Variants in EARS2 observed in about 807,000 individuals in gnomAD.
The protein encoded by EARS2 is glutamyl-tRNA synthetase 2, mitochondrial.
Under a neutral mutation model 54.1 loss-of-function variants are expected in EARS2, and 50 were observed. That is an observed-to-expected ratio of 0.92 (90% CI 0.74 to 1.17). EARS2 has a LOEUF of 1.17. EARS2 is among the 50% of genes most tolerant of loss of function. The pLI, the probability that EARS2 is intolerant of heterozygous loss-of-function variation, is 0.00. For synonymous variants in EARS2, 298 were observed against 281.0 expected (o/e 1.06, Z -0.61); for missense variants, 673 against 675.0 (o/e 1.00, Z 0.03).
At chr16:23,534,244 A>G (rs974016612) in intron 4 of EARS2, among the ~76,000 whole-genome samples, 1 of 152,104 alleles carries the variant, frequency 6.6e-6, no homozygotes, top group Non-Finnish European at 1.5e-5. Context: ...AACAGTGGAG[A>G]TATGTATCTA....
chr16:23,540,131 G>A (rs935835057), intron 3 of EARS2, among the ~76,000 whole-genome samples: 1 of 152,124 alleles, frequency 6.6e-6, no homozygotes, highest in Non-Finnish European at 1.5e-5. Context: ...TCCAATCTGG[G>A]TGACAGAGTG....
At chr16:23,539,709 T>C (rs1208783409) in intron 3 of EARS2, among the ~76,000 whole-genome samples, 1 of 42,742 alleles carries the variant, frequency 2.3e-5, no homozygotes, top group Non-Finnish European at 4.9e-5. Flanking sequence ...GACTATAATT[T>C]AACAAAAAAA....
intron 2 of EARS2, among the ~76,000 whole-genome samples, chr16:23,547,599 G>A (rs1965625325): frequency 6.6e-6 from 1 of 151,970 alleles, no homozygotes; most frequent in Admixed American, 6.6e-5. Flanking sequence ...TCCACCTCCC[G>A]GTTCAAGCAA....
Position 23,534,937 on chromosome 16 carries a change from C to A in EARS2, c.909G>T (p.Leu303=), listed in dbSNP as rs1427976508. 3 of 1,604,630 alleles carry A rather than the reference C, an allele frequency of 1.9e-6. No homozygotes were observed. Among genetic ancestry groups the A allele is most frequent in the Non-Finnish European group, 2.6e-6 (3 of 1,174,038 alleles). ...FLEHFAADGF[L]PDSLLDIITN... Reference sequence around the variant, plus strand: ...TGATGATGTCCAACAAGGAATCGGGCAGGAAGCCATCAGCAGCAAAGTGCT... The same window carrying A: ...TGATGATGTCCAACAAGGAATCGGGAAGGAAGCCATCAGCAGCAAAGTGCT... Residue 303 remains leucine, a synonymous_variant, in exon 4 of 9, where the codon CTG becomes CTT. Transcript: ENST00000449606.
intron 4 of EARS2, among the ~76,000 whole-genome samples, chr16:23,533,655 C>G (rs1161527946): frequency 6.6e-6 from 1 of 152,226 alleles, no homozygotes; most frequent in African/African-American, 2.4e-5. Context: ...AGCTGCAGAA[C>G]AGTACGCCCA....
intron 7 of EARS2, 79 bp downstream of exon 7, chr16:23,529,423 G>C (rs1965283386): frequency 6.5e-7 from 1 of 1,540,018 alleles, no homozygotes; most frequent in East Asian, 2.3e-5. Flanking sequence ...CAACAGCCCA[G>C]CCCTGAAGGA....
At chr16:23,524,918 T>C (rs1432385421) in intron 8 of EARS2, 2 of 531,206 alleles carry the variant, frequency 3.8e-6, no homozygotes, top group African/African-American at 3.9e-5. Context: ...GTGCTGGGAA[T>C]ACAGGTGTGA....
intron 1 of EARS2, among the ~76,000 whole-genome samples, chr16:23,554,190 G>T (rs578205931): frequency 5.1e-4 from 74 of 146,100 alleles, no homozygotes; most frequent in Middle Eastern, 3.5e-3. Context: ...TTGTTTTTTG[G>T]TTTTTTTTTT....
At chr16:23,525,777 C>G (rs748465998) in intron 7 of EARS2, among the ~76,000 whole-genome samples, 3 of 152,092 alleles carry the variant, frequency 2.0e-5, no homozygotes, top group Non-Finnish European at 4.4e-5. Flanking sequence ...AGGCAGATCA[C>G]TTGAGGTCAG....
At chr16:23,530,269 A>G (rs1965302290) in intron 5 of EARS2, among the ~76,000 whole-genome samples, 1 of 152,028 alleles carries the variant, frequency 6.6e-6, no homozygotes, top group Admixed American at 6.6e-5. Context: ...GGGCCCACAG[A>G]CACACATCAC....
At chr16:23,551,004 T>C (rs1435179899) in intron 2 of EARS2, among the ~76,000 whole-genome samples, 2 of 152,136 alleles carry the variant, frequency 1.3e-5, no homozygotes, top group African/African-American at 4.8e-5. Flanking sequence ...TCCCACAAGA[T>C]CAACTTCAGA....
intron 2 of EARS2, among the ~76,000 whole-genome samples, chr16:23,551,358 G>A (rs1173269094): frequency 6.6e-6 from 1 of 152,216 alleles, no homozygotes; most frequent in African/African-American, 2.4e-5. Context: ...GCTCACACCT[G>A]TAATCCCAGC....
chr16:23,535,191 T>C lies in EARS2; in HGVS notation c.655A>G (p.Ile219Val), dbSNP rs1425710964. Residue 219 changes from isoleucine (I) to valine (V), a missense_variant, in exon 4 of 9, where the codon ATC becomes GTC. Physicochemically the swap from Ile to Val is conservative, Grantham distance 29. This residue lies in a region of EARS2 where 19 missense variants were observed against 38.7 expected (regional missense o/e 0.49). Coordinates refer to ENST00000449606, the MANE Select transcript of EARS2 (RefSeq NM_001083614.2). ...GTGGGGAAGCCGTCGCTCTTCATGA[T>C]GACTGGGTCTCCCTCCACGCTGGCC... is the stretch of plus-strand genomic sequence containing the variant. ...EVASVEGDPV[I>V]MKSDGFPTYH... 3.7e-6 allele frequency: 6 copies of C among 1,613,700 alleles called. No individual in the cohort carries two copies. The highest frequency in any genetic ancestry group is 1.7e-5 in the Admixed American group (1 of 60,004).
chr16:23,531,862 T>C (rs1003337664), intron 5 of EARS2, among the ~76,000 whole-genome samples: 2 of 152,086 alleles, frequency 1.3e-5, no homozygotes, highest in African/African-American at 4.8e-5. Flanking sequence ...GTTGCCCAGG[T>C]TGGAGTGCAG....
intron 7 of EARS2, among the ~76,000 whole-genome samples, chr16:23,527,420 G>A (rs1325536386): frequency 1.3e-5 from 2 of 152,144 alleles, no homozygotes; most frequent in African/African-American, 2.4e-5. Flanking sequence ...ACTCAGTATG[G>A]ACCACTACTG....
chr16:23,528,202 T>C (rs1000162112), intron 7 of EARS2, among the ~76,000 whole-genome samples: 1 of 152,238 alleles, frequency 6.6e-6, no homozygotes, highest in South Asian at 2.1e-4. Context: ...CACCAGTCTA[T>C]GTTATTTTGC....
chr16:23,526,200 C>T (rs1239665167), intron 7 of EARS2, among the ~76,000 whole-genome samples: 10 of 147,548 alleles, frequency 6.8e-5, no homozygotes, highest in Non-Finnish European at 1.2e-4. Flanking sequence ...GCAACCTCCA[C>T]GTTCCAGGTT....
At chr16:23,536,672 CTTT>C (rs1195696509) in intron 3 of EARS2, among the ~76,000 whole-genome samples, 1 of 141,916 alleles carries the variant, frequency 7.0e-6, no homozygotes, top group Non-Finnish European at 1.5e-5. Flanking sequence ...AAAAAAAAAA[CTTT>C]TTTTTTCTTT....
intron 6 of EARS2, 40 bp downstream of exon 6, chr16:23,529,704 G>C (rs2142164792): frequency 6.2e-7 from 1 of 1,613,268 alleles, no homozygotes; most frequent in East Asian, 2.2e-5. Flanking sequence ...GAGGCACCCA[G>C]TAACCCCTCC....
Sources: gnomAD v4.1 joint callset for allele counts (sites outside exome capture counted in the v4.1 genomes callset) on GRCh38, gnomAD v4.1.1 for gene constraint, gnomAD v4.1.1 regional missense constraint, MANE v1.5 for transcripts, NCBI Gene and HGNC (gene_info 2026-07-23, HGNC 2026-07-21) for gene names.